PTPRJ: variants seen among roughly 807,000 people sequenced by gnomAD.
PTPRJ encodes receptor-type tyrosine-protein phosphatase eta.
A neutral mutation model predicts 141.3 loss-of-function variants in PTPRJ; 129 were observed. The ratio of observed to expected loss-of-function variants is 0.91; its 90% CI spans 0.79 to 1.06. The LOEUF (loss-of-function observed/expected upper bound fraction) is 1.06, where lower values mean the gene tolerates loss of function less well. Among genes scored for constraint, PTPRJ ranks in the 50% least tolerant of loss-of-function variants. The pLI, the probability that PTPRJ is intolerant of heterozygous loss-of-function variation, is 0.00. For synonymous variants in PTPRJ, 610 were observed against 640.5 expected, an observed-to-expected ratio of 0.95 and a Z score of 0.72; for missense variants, 1,601 against 1,679.7, an observed-to-expected ratio of 0.95 and a Z score of 0.82.
chr11:48,108,988 G>A (rs1002148071), intron 1 of PTPRJ, among the ~76,000 whole-genome samples: 2 of 152,170 alleles, frequency 1.3e-5, no homozygotes, highest in Non-Finnish European at 2.9e-5. Context: ...AGTCAGTGAT[G>A]GACAGAGAGT....
chr11:48,087,986 G>A (rs1855760870), intron 1 of PTPRJ, among the ~76,000 whole-genome samples: 1 of 152,138 alleles, frequency 6.6e-6, no homozygotes, highest in Non-Finnish European at 1.5e-5. Context: ...TGCTTGCGTT[G>A]GTTTCTCAGC....
intron 1 of PTPRJ, among the ~76,000 whole-genome samples, chr11:48,010,291 C>A (rs1854748089): frequency 6.6e-6 from 1 of 152,130 alleles, no homozygotes; most frequent in African/African-American, 2.4e-5. Context: ...AGTCCTCCTG[C>A]CTCAGCCTCC....
chr11:48,000,647 C>G (rs1295059811), intron 1 of PTPRJ, among the ~76,000 whole-genome samples: 2 of 152,066 alleles, frequency 1.3e-5, no homozygotes, highest in Non-Finnish European at 2.9e-5. Context: ...TCACCTGGCT[C>G]TAGTACAACA....
In PTPRJ at chr11:48,136,315, C is replaced by T; in HGVS notation, c.1873+19C>T. On this transcript the variant is annotated intron_variant, in intron 9 of 24. Coordinates refer to ENST00000418331, the MANE Select transcript of PTPRJ (RefSeq NM_002843.4). ...TACACACGTAAGTCTCTTAGGATGC[C>T]CTTCTAAGGAACAGCCTCTCTAACT... 6.2e-7 allele frequency: 1 copy of T among 1,609,692 alleles called. No individual in the cohort carries two copies. Among genetic ancestry groups the T allele is most frequent in the Non-Finnish European group, 8.5e-7 (1 of 1,177,234 alleles).
chr11:48,112,887 G>A lies in PTPRJ; in HGVS notation c.256G>A (p.Asp86Asn). 1 of 1,614,164 alleles carries A rather than the reference G, an allele frequency of 6.2e-7. No individual in the cohort carries two copies. Residue 86 changes from aspartate to asparagine, a missense_variant, in exon 3 of 25, where the codon GAT becomes AAT. By Grantham distance (23) the Asp-to-Asn change is conservative. Transcript: ENST00000418331. ...TPQVETNTSEDGESSGANDSL... is the reference protein window; with the variant it reads ...TPQVETNTSENGESSGANDSL... ...TCAGGTGGAAACAAACACCAGTGAG[G>A]ATGGTGAAAGCTCTGGAGCCAACGA...
intron 1 of PTPRJ, among the ~76,000 whole-genome samples, chr11:47,988,819 C>A (rs1444950192): frequency 6.7e-6 from 1 of 149,054 alleles, no homozygotes; most frequent in African/African-American, 2.5e-5. Flanking sequence ...TCCATACCGT[C>A]TCATCTGAAA....
intron 1 of PTPRJ, among the ~76,000 whole-genome samples, chr11:48,007,397 C>T (rs944813664): frequency 2.0e-4 from 31 of 151,948 alleles, no homozygotes; most frequent in African/African-American, 7.5e-4. Flanking sequence ...GCATGAGCCA[C>T]CACACGGGGC....
chr11:47,990,727 C>T (rs1017978821), intron 1 of PTPRJ, among the ~76,000 whole-genome samples: 9 of 150,250 alleles, frequency 6.0e-5, no homozygotes, highest in African/African-American at 2.2e-4. Flanking sequence ...ACCCAGTCAC[C>T]CAGGCTGGAG....
intron 14 of PTPRJ, 129 bp from the exon 15 acceptor site, chr11:48,146,747 G>A (rs1857359788): frequency 1.4e-6 from 1 of 730,562 alleles, no homozygotes; most frequent in African/African-American, 1.7e-5. Context: ...GTGTGTGTGT[G>A]TGCATGCATG....
chr11:48,021,387 A>ATAAATAAATAAATAAATAAATAAATAAAT (rs1855116232), intron 1 of PTPRJ, among the ~76,000 whole-genome samples: 1 of 117,688 alleles, frequency 8.5e-6, no homozygotes, highest in Non-Finnish European at 1.6e-5. Context: ...AAATAAATAA[A>ATAAATAAATAAATAAATAAATAAATAAAT]TAAATAAATA....
intron 1 of PTPRJ, among the ~76,000 whole-genome samples, chr11:48,022,685 G>A (rs749079277): frequency 2.0e-4 from 31 of 152,108 alleles, no homozygotes; most frequent in Non-Finnish European, 1.8e-4. Flanking sequence ...GGATGTGGGG[G>A]TAGTGCCAAG....
chr11:48,089,234 T>G (rs931110820), intron 1 of PTPRJ, among the ~76,000 whole-genome samples: 1 of 152,172 alleles, frequency 6.6e-6, no homozygotes, highest in East Asian at 1.9e-4. Flanking sequence ...ACAAAAACAT[T>G]AACCAGGAGC....
chr11:48,123,620 C>T lies in PTPRJ; in HGVS notation c.624C>T (p.Ile208=). Residue 208 remains isoleucine, a synonymous_variant, in exon 5 of 25, where the codon ATC becomes ATT. Coordinates refer to ENST00000418331, the MANE Select transcript of PTPRJ (RefSeq NM_002843.4). ...PRVIKVITEP[I]PVSDLRVALT... ...GTTGTATTTTTAAAATAGAGCCGAT[C>T]CCAGTTTCTGATCTCCGTGTTGCCC... 6.2e-7 allele frequency: 1 copy of T among 1,612,462 alleles called. No homozygotes were observed.
At chr11:48,043,117 A>G (rs1364583149) in intron 1 of PTPRJ, among the ~76,000 whole-genome samples, 1 of 152,244 alleles carries the variant, frequency 6.6e-6, no homozygotes, top group African/African-American at 2.4e-5. Context: ...AGTGCAGACC[A>G]TGGTTTTCAC....
At chr11:48,114,198 G>A (rs1172348364) in intron 3 of PTPRJ, among the ~76,000 whole-genome samples, 2 of 152,062 alleles carry the variant, frequency 1.3e-5, no homozygotes, top group Admixed American at 1.3e-4. Flanking sequence ...CAGCACTTTG[G>A]GAGGCTAAGG....
At position 48,156,138 on chromosome 11, in the gene PTPRJ, T is replaced by G. The variant is rs779258724; in HGVS notation, c.3438+19T>G. The G allele has an allele frequency of 3.3e-6, 5 of 1,534,088 alleles. No individual in the cohort carries two copies. In the East Asian group the frequency reaches 1.1e-4, roughly 35 times the overall value. Reference sequence around the variant, plus strand: ...GGGAAGAGTAAGTATCTTTTTTAGTTTTTAAAATTTAAAATTACATTAATT... The same window carrying G: ...GGGAAGAGTAAGTATCTTTTTTAGTGTTTAAAATTTAAAATTACATTAATT... On this transcript the variant is annotated intron_variant, in intron 21 of 24. Coordinates refer to ENST00000418331, the MANE Select transcript of PTPRJ (RefSeq NM_002843.4).
intron 11 of PTPRJ, among the ~76,000 whole-genome samples, chr11:48,141,876 CT>C (rs34762083): frequency 6.7e-6 from 1 of 149,756 alleles, no homozygotes; most frequent in East Asian, 2.0e-4. Context: ...TGTTGCTGTG[CT>C]TTTTGTGTGG....
At chr11:48,065,006 T>C (rs978925055) in intron 1 of PTPRJ, among the ~76,000 whole-genome samples, 1 of 122,550 alleles carries the variant, frequency 8.2e-6, no homozygotes, top group Non-Finnish European at 1.6e-5. Context: ...TCAACTACCT[T>C]TTTTTTTTTT....
intron 3 of PTPRJ, among the ~76,000 whole-genome samples, chr11:48,116,454 T>C (rs1223750487): frequency 6.6e-6 from 1 of 152,254 alleles, no homozygotes; most frequent in Non-Finnish European, 1.5e-5. Context: ...AATGGACAGA[T>C]TGACTGCAAT....
Sources: gnomAD v4.1 joint callset for allele counts (sites outside exome capture counted in the v4.1 genomes callset) on GRCh38, gnomAD v4.1.1 for gene constraint, MANE v1.5 for transcripts, NCBI Gene and HGNC (gene_info 2026-07-23, HGNC 2026-07-21) for gene names.